The following NF1 variants were observed in gnomAD, a reference collection of about 807,000 sequenced individuals.
NF1 encodes the protein neurofibromin.
NF1 carries 122 observed loss-of-function variants against 325.7 expected under a neutral mutation model. The observed-to-expected ratio is 0.37, with a 90% CI of 0.32 to 0.44. The LOEUF is 0.44. Among genes scored for constraint, NF1 ranks in the 20% least tolerant of loss-of-function variants. The pLI is 1.00. For missense variants in NF1, 2,140 were observed against 3,415.4 expected, an observed-to-expected ratio of 0.63 and a Z score of 9.31; for synonymous variants, 1,091 against 1,186.0, an observed-to-expected ratio of 0.92 and a Z score of 1.65.
chr17:31,142,161 CTT>C lies in NF1; in HGVS notation c.61-13821_61-13820del, dbSNP rs776586877. On this transcript the variant is annotated intron_variant, in intron 1 of 57. Coordinates refer to ENST00000358273, the MANE Select transcript of NF1 (RefSeq NM_001042492.3). ...GTTATGCCTTCTTTTGCTAAATCCT[CTT>C]GTTTGTTGAAATCTTACATCTTAAG... Among the ~76,000 whole-genome samples the C allele has an allele frequency of 3.1e-4, 47 of 152,250 alleles. 1 individual carries two copies. Among genetic ancestry groups the C allele is most frequent in the Non-Finnish European group, 5.4e-4 (37 of 68,004 alleles).
At chr17:31,199,822 A>G (rs1247209387) in intron 8 of NF1, among the ~76,000 whole-genome samples, 3 of 152,198 alleles carry the variant, frequency 2.0e-5, no homozygotes, top group Non-Finnish European at 4.4e-5. Context: ...AATATCAAAA[A>G]GAAGATATGG....
intron 36 of NF1, among the ~76,000 whole-genome samples, chr17:31,281,299 G>A (rs183905847): frequency 1.4e-4 from 22 of 152,298 alleles, no homozygotes; most frequent in Non-Finnish European, 2.9e-4. Context: ...ATTGTTGAAG[G>A]TATCATCAGG....
At chr17:31,318,700 G>A (rs2069094258) in intron 36 of NF1, 1 of 1,613,952 alleles carries the variant, frequency 6.2e-7, no homozygotes, top group Admixed American at 1.7e-5. Context: ...CTGTACTGTT[G>A]AAGGACTGTT....
At chr17:31,173,646 A>G (rs905885062) in intron 5 of NF1, among the ~76,000 whole-genome samples, 2 of 152,108 alleles carry the variant, frequency 1.3e-5, no homozygotes, top group Non-Finnish European at 2.9e-5. Context: ...TAGTCAATTT[A>G]GATATATGAG....
rs368116557 is a variant in NF1 at position 31,218,991 on chromosome 17, T to C, written c.1528-14T>C. ...TTTATTTTTTTAATTGAAGTTTCCT[T>C]TTTTTCCTTGCAGAATCCAAGAAAA... On this transcript the variant is annotated splice_polypyrimidine_tract_variant and intron_variant, in intron 13 of 57. Transcript: ENST00000358273. 90 of 1,605,922 alleles carry C rather than the reference T, an allele frequency of 5.6e-5. No homozygotes were observed. The highest frequency in any genetic ancestry group is 6.6e-5 in the Non-Finnish European group (77 of 1,174,932).
At chr17:31,326,762 G>C (rs561332448) in intron 37 of NF1, among the ~76,000 whole-genome samples, 1 of 152,340 alleles carries the variant, frequency 6.6e-6, no homozygotes, top group Non-Finnish European at 1.5e-5. Context: ...GCTGGAAGTA[G>C]AAGAGTGTTT....
Position 31,377,053 on chromosome 17 carries a change from GGTTTTTT to G in NF1, c.*2912_*2918del, listed in dbSNP as rs200460016. On this transcript the variant is annotated 3_prime_UTR_variant, in exon 58 of 58. Transcript: ENST00000358273. ...TTTTAGGGGTTTTCAGTTTTGTTTG[GGTTTTTT>G]GTTTTTTGTTTTTGTTTCTACATCC... 1,118 of 233,530 alleles carry G rather than the reference GGTTTTTT, an allele frequency of 4.8e-3. 16 individuals carry two copies. The highest frequency in any genetic ancestry group is 0.023 in the African/African-American group (1,033 of 45,396). The allele number at this position is 233,530 out of a possible 1,614,324, so 14.5% of individuals were successfully genotyped here. A position where few individuals can be genotyped will look rare whatever the true frequency, so the allele number is the denominator to read the frequency against.
intron 1 of NF1, among the ~76,000 whole-genome samples, chr17:31,149,698 A>G (rs1916803070): frequency 6.6e-6 from 1 of 152,180 alleles, no homozygotes; most frequent in Admixed American, 6.5e-5. Flanking sequence ...GAGTCCACTA[A>G]CCAGATCGTC....
intron 36 of NF1, chr17:31,294,647 T>A: frequency 3.7e-6 from 1 of 270,036 alleles, no homozygotes. Context: ...AATGACACAG[T>A]TATGAGCATA....
Position 31,349,182 on chromosome 17 carries a change from A to C in NF1, c.7252A>C (p.Thr2418Pro). 1 of 1,613,210 alleles carries C rather than the reference A, an allele frequency of 6.2e-7. No homozygotes were observed. The change falls in exon 49 of 58, where the codon ACT becomes CCT. Residue 2418 changes from threonine (T) to proline (P), a missense_variant. Physicochemically the swap from Thr to Pro is conservative, Grantham distance 38. This residue lies in a region of NF1 where 522 missense variants were observed against 749.0 expected (regional missense o/e 0.70). Coordinates refer to ENST00000358273, the MANE Select transcript of NF1 (RefSeq NM_001042492.3). ...AGTCAGAATTTTACATACACTACTA[A>C]CTCTGGTTAACAAACACAGAAATTG... ...RTVRILHTLL[T>P]LVNKHRNCDK...
At chr17:31,197,883 C>A (rs1199779253) in intron 8 of NF1, among the ~76,000 whole-genome samples, 1 of 152,162 alleles carries the variant, frequency 6.6e-6, no homozygotes, top group Admixed American at 6.5e-5. Flanking sequence ...TGTTCCTGAT[C>A]TTAGGGGAAA....
chr17:31,313,565 G>C (rs188195050), intron 36 of NF1, among the ~76,000 whole-genome samples: 1 of 151,936 alleles, frequency 6.6e-6, no homozygotes, highest in Non-Finnish European at 1.5e-5. Context: ...AATTAGCCAG[G>C]CGTGGTGGTG....
At chr17:31,100,940 T>C (rs1387801283) in intron 1 of NF1, among the ~76,000 whole-genome samples, 1 of 152,196 alleles carries the variant, frequency 6.6e-6, no homozygotes, top group Non-Finnish European at 1.5e-5. Flanking sequence ...CTTTCCACCT[T>C]ATCTGTCTGG....
chr17:31,250,884 T>A (rs1471996191), intron 30 of NF1: 1 of 188,566 alleles, frequency 5.3e-6, no homozygotes, highest in Admixed American at 6.2e-5. Flanking sequence ...CCTGGTTTAT[T>A]ATGTTAAAAT....
rs901497125 is a variant in NF1, at chr17:31,252,504, T to C, written c.4111-434T>C. ...CAGGTGTTGGAAAAAGAACTTAAAG[T>C]CAATTGAAGGATACACAGAGAAGAA... On this transcript the variant is annotated intron_variant, in intron 30 of 57. Coordinates refer to ENST00000358273, the MANE Select transcript of NF1 (RefSeq NM_001042492.3). 3.4e-5 allele frequency: 7 copies of C among 204,866 alleles called. No individual in the cohort carries two copies. In the East Asian group the frequency reaches 5.4e-4, roughly 16 times the overall value. 12.7% of individuals were successfully genotyped at this position (204,866 alleles called of 1,614,324 possible).
chr17:31,198,056 T>A (rs2066465828), intron 8 of NF1, among the ~76,000 whole-genome samples: 1 of 152,172 alleles, frequency 6.6e-6, no homozygotes, highest in African/African-American at 2.4e-5. Flanking sequence ...ATTCAGATGA[T>A]CATGTGGAGT....
intron 1 of NF1, among the ~76,000 whole-genome samples, chr17:31,126,013 G>A (rs935743751): frequency 6.6e-6 from 1 of 151,964 alleles, no homozygotes; most frequent in Non-Finnish European, 1.5e-5. Flanking sequence ...GGTAAAACCC[G>A]GTCTCTACTA....
chr17:31,200,895 A>ACAGTATGGGTGCTTTGTG, intron 9 of NF1, 142 bp from the exon 10 acceptor site: 1 of 1,164,552 alleles, frequency 8.6e-7, no homozygotes, highest in Non-Finnish European at 1.3e-6. Context: ...CTGATGAACC[A>ACAGTATGGGTGCTTTGTG]CAGTATGGGT....
rs189726343 is a variant in NF1, at chr17:31,299,491, G to A, written c.4836-26329G>A. On this transcript the variant is annotated intron_variant, in intron 36 of 57. Transcript: ENST00000358273. ...TAGATTAAGCAGTAAATTAATTTAC[G>A]TATTCTTTTGTGTCCTAGGATATAT... is the stretch of plus-strand genomic sequence containing the variant. 13 of 151,954 alleles carry A rather than the reference G, an allele frequency of 8.6e-5. No individual in the cohort carries two copies. The South Asian group carries it at 1.2e-3, about 15-fold the overall frequency. 9.4% of individuals were successfully genotyped at this position (151,954 alleles called of 1,614,324 possible).
Sources: gnomAD v4.1 joint callset for allele counts (sites outside exome capture counted in the v4.1 genomes callset) on GRCh38, gnomAD v4.1.1 for gene constraint, gnomAD v4.1.1 regional missense constraint, MANE v1.5 for transcripts, NCBI Gene and HGNC (gene_info 2026-07-23, HGNC 2026-07-21) for gene names.